PHEX: variants seen among roughly 807,000 people sequenced by gnomAD.
PHEX encodes the protein phosphate regulating endopeptidase X-linked.
A neutral mutation model predicts 68.0 loss-of-function variants in PHEX; 16 were observed. The observed-to-expected ratio is 0.24, with a 90% CI of 0.16 to 0.36. PHEX has a LOEUF of 0.36. Among genes scored for constraint, PHEX ranks in the 10% least tolerant of loss-of-function variants. PHEX has a pLI of 1.00. For synonymous variants in PHEX, 208 were observed against 205.1 expected (o/e 1.01, Z -0.12); for missense variants, 480 against 575.5 (o/e 0.83, Z 1.70).
Position 22,147,152 on chromosome X carries a change from GT to G in PHEX, c.1404+13537del, listed in dbSNP as rs920749427. On this transcript the variant is annotated intron_variant, in intron 12 of 21. Transcript: ENST00000379374. ...TTAATGCCTGTCTCTTGTTTCTTTT[GT>G]TTTTTTTTGTTATCCAAATCCAAAT... 1.0e-3 allele frequency among the ~76,000 whole-genome samples: 114 copies of G among 109,246 alleles called. No individual in the cohort carries two copies. In the Middle Eastern group the frequency reaches 0.014, roughly 13 times the overall value. The allele number at this position is 109,246 out of a possible 115,157, so 94.9% of individuals were successfully genotyped here. A position where few individuals can be genotyped will look rare whatever the true frequency, so the allele number is the denominator to read the frequency against.
At chrX:22,117,867 T>A (rs1055778994) in intron 11 of PHEX, among the ~76,000 whole-genome samples, 4 of 110,962 alleles carry the variant, frequency 3.6e-5, no homozygotes, top group African/African-American at 1.3e-4. Context: ...GGTTGGAAAC[T>A]TATAAGAGAA....
At chrX:22,132,542 G>A (rs189351778) in intron 11 of PHEX, among the ~76,000 whole-genome samples, 2 of 112,043 alleles carry the variant, frequency 1.8e-5, no homozygotes, top group Non-Finnish European at 3.8e-5. Context: ...AAGAACTGGG[G>A]TCCTGACATA....
Position 22,091,646 on chromosome X carries a change from C to T in PHEX, c.732+1149C>T, listed in dbSNP as rs188356635. Among the ~76,000 whole-genome samples, 10 of 112,018 alleles carry T rather than the reference C, an allele frequency of 8.9e-5. No individual in the cohort carries two copies. The East Asian group carries it at 1.7e-3, about 19-fold the overall frequency. On this transcript the variant is annotated intron_variant, in intron 6 of 21. Coordinates refer to ENST00000379374, the MANE Select transcript of PHEX (RefSeq NM_000444.6). ...CTTTAGAGGGCTTTCAAGGCTGCCTCATGACTTTATCCCAAGTCATCTTTC... is the reference window on the plus strand; with the variant it reads ...CTTTAGAGGGCTTTCAAGGCTGCCTTATGACTTTATCCCAAGTCATCTTTC...
intron 2 of PHEX, among the ~76,000 whole-genome samples, chrX:22,042,548 G>C (rs887966093): frequency 8.9e-6 from 1 of 112,539 alleles, no homozygotes; most frequent in Non-Finnish European, 1.9e-5. Context: ...ACTTTGGGAC[G>C]CTGAGGCGGA....
At chrX:22,239,120 C>A (rs1936091750) in intron 20 of PHEX, among the ~76,000 whole-genome samples, 1 of 111,933 alleles carries the variant, frequency 8.9e-6, no homozygotes, top group Admixed American at 9.4e-5. Flanking sequence ...CAAACTCCAG[C>A]AGACCTACAG....
chrX:22,033,151 A>G (rs1471922809), intron 1 of PHEX, 28 bp downstream of exon 1: 2 of 1,035,402 alleles, frequency 1.9e-6, no homozygotes, highest in Admixed American at 4.4e-5. Context: ...GGCCGGGGGA[A>G]CTGGGTGTGT....
chrX:22,222,121 T>C (rs1935288247), intron 18 of PHEX, among the ~76,000 whole-genome samples: 1 of 112,221 alleles, frequency 8.9e-6, no homozygotes, highest in Middle Eastern at 4.2e-3. Context: ...TCAGCCCAAG[T>C]GAGACCACTG....
At chrX:22,062,073 G>C (rs1054793352) in intron 3 of PHEX, among the ~76,000 whole-genome samples, 2 of 111,109 alleles carry the variant, frequency 1.8e-5, no homozygotes, top group African/African-American at 6.6e-5. Context: ...ACTATCACGA[G>C]AACAGCATGG....
intron 12 of PHEX, among the ~76,000 whole-genome samples, chrX:22,141,398 C>T (rs1484851446): frequency 8.9e-6 from 1 of 111,905 alleles, no homozygotes; most frequent in African/African-American, 3.2e-5. Flanking sequence ...CTGCCTTTGT[C>T]TTGCATACAA....
In PHEX at chrX:22,182,878, T is replaced by C. The variant is rs766012336; in HGVS notation, c.1586+4502T>C. Reference sequence around the variant, plus strand: ...TCTCAGGCAAAAAGGCCATAGTGCCTGCTCTACTTAATGCCAAGTTCTAGC... The same window carrying C: ...TCTCAGGCAAAAAGGCCATAGTGCCCGCTCTACTTAATGCCAAGTTCTAGC... On this transcript the variant is annotated intron_variant, in intron 14 of 21. Coordinates refer to ENST00000379374, the MANE Select transcript of PHEX (RefSeq NM_000444.6). Among the ~76,000 whole-genome samples the C allele has an allele frequency of 3.6e-5, 4 of 112,229 alleles. No homozygotes were observed. The East Asian group carries it at 1.1e-3, about 32-fold the overall frequency.
chrX:22,159,154 G>A (rs1933035885), intron 12 of PHEX, among the ~76,000 whole-genome samples: 1 of 113,404 alleles, frequency 8.8e-6, no homozygotes, highest in Admixed American at 9.3e-5. Context: ...GTTGAGCATG[G>A]ATCAGTTTGG....
In PHEX at chrX:22,249,844, T is replaced by G. The variant is rs1936522166; in HGVS notation, c.*1891T>G. 1 of 111,212 alleles carries G rather than the reference T, an allele frequency of 9.0e-6. No individual in the cohort carries two copies. The allele number at this position is 111,212 out of a possible 1,213,427, so 9.2% of individuals were successfully genotyped here. On this transcript the variant is annotated 3_prime_UTR_variant, in exon 22 of 22. Coordinates refer to ENST00000379374, the MANE Select transcript of PHEX (RefSeq NM_000444.6). ...TAAAATCAGCTGAGGTTTATCATGC[T>G]TATATGAATAGTGTTTCCCTTCTAG...
chrX:22,138,880 C>G (rs1222226156), intron 12 of PHEX, among the ~76,000 whole-genome samples: 1 of 111,725 alleles, frequency 9.0e-6, no homozygotes, highest in Admixed American at 9.5e-5. Flanking sequence ...GGCTCCCTCC[C>G]ATGTGCCACC....
chrX:22,238,594 G>A (rs1046654309), intron 20 of PHEX, among the ~76,000 whole-genome samples: 4 of 111,408 alleles, frequency 3.6e-5, no homozygotes, highest in Admixed American at 1.9e-4. Flanking sequence ...AGGGGCATCC[G>A]CCATTGCTGA....
intron 3 of PHEX, among the ~76,000 whole-genome samples, chrX:22,055,674 G>C (rs1443430880): frequency 2.7e-5 from 3 of 111,268 alleles, no homozygotes; most frequent in Admixed American, 1.9e-4. Context: ...CAATTCTCCT[G>C]CCTCAGCTTC....
chrX:22,049,655 T>C (rs1377606448), intron 3 of PHEX, among the ~76,000 whole-genome samples: 1 of 109,424 alleles, frequency 9.1e-6, no homozygotes, highest in African/African-American at 3.3e-5. Context: ...GTGGATTATC[T>C]GAGGTCACGA....
chrX:22,043,143 C>G (rs191725550), intron 2 of PHEX, among the ~76,000 whole-genome samples: 18 of 112,726 alleles, frequency 1.6e-4, no homozygotes, highest in African/African-American at 4.2e-4. Context: ...TCTGAAAAAT[C>G]TATGAGCTCT....
In PHEX at chrX:22,250,370, A is replaced by AAGAC. The variant is rs1244230369; in HGVS notation, c.*2420_*2423dup. 1 of 111,970 alleles carries AAGAC rather than the reference A, an allele frequency of 8.9e-6. No individual in the cohort carries two copies. Among genetic ancestry groups the AAGAC allele is most frequent in the African/African-American group, 3.2e-5 (1 of 30,815 alleles). The allele number at this position is 111,970 out of a possible 1,213,427, so 9.2% of individuals were successfully genotyped here. The stretch of plus-strand genomic sequence containing the variant: ...GGCCTATGGATGTGGCTTTGAAGAG[A>AAGAC]AGACAGGATTTTGGCATTCCTTGCT... On this transcript the variant is annotated 3_prime_UTR_variant, in exon 22 of 22. Transcript: ENST00000379374.
chrX:22,160,141 A>G (rs1209332147), intron 12 of PHEX, among the ~76,000 whole-genome samples: 2 of 112,148 alleles, frequency 1.8e-5, no homozygotes, highest in Non-Finnish European at 3.8e-5. Flanking sequence ...GTAATTTATA[A>G]AGAAAGAGGT....
Sources: allele counts gnomAD v4.1 joint callset (sites outside exome capture counted in the v4.1 genomes callset), GRCh38; gene constraint gnomAD v4.1.1; transcripts MANE v1.5; gene names NCBI Gene and HGNC (gene_info 2026-07-23, HGNC 2026-07-21).